Variants in FBLN2 observed in about 807,000 individuals in gnomAD.
FBLN2 encodes the protein fibulin 2, also known as fibulin-2.
FBLN2 carries 81 observed loss-of-function variants against 123.7 expected under a neutral mutation model. The ratio of observed to expected loss-of-function variants is 0.65; its 90% CI spans 0.55 to 0.79. FBLN2 has a LOEUF of 0.79. Among genes scored for constraint, FBLN2 ranks in the 30% least tolerant of loss-of-function variants. FBLN2 has a pLI of 0.00. For synonymous variants in FBLN2, 699 were observed against 701.4 expected (o/e 1.00, Z 0.05); for missense variants, 1,603 against 1,681.3 (o/e 0.95, Z 0.81).
intron 4 of FBLN2, among the ~76,000 whole-genome samples, chr3:13,610,436 A>G (rs1705353401): frequency 1.3e-5 from 2 of 152,192 alleles, no homozygotes; most frequent in South Asian, 4.1e-4. Flanking sequence ...CCACCAGGCA[A>G]CAGTGGTGCA....
intron 1 of FBLN2, among the ~76,000 whole-genome samples, chr3:13,551,440 C>T (rs1559395093): frequency 6.6e-6 from 1 of 152,204 alleles, no homozygotes; most frequent in Non-Finnish European, 1.5e-5. Context: ...ATCCCGACAT[C>T]CCTCCTGCAG....
intron 2 of FBLN2, among the ~76,000 whole-genome samples, chr3:13,574,887 C>T (rs1468762681): frequency 1.3e-5 from 2 of 152,234 alleles, no homozygotes; most frequent in Non-Finnish European, 2.9e-5. Flanking sequence ...TCTCCCACCC[C>T]TCCCATGCTG....
chr3:13,635,399 C>G (rs745733097), intron 16 of FBLN2, among the ~76,000 whole-genome samples: 1 of 151,660 alleles, frequency 6.6e-6, no homozygotes, highest in African/African-American at 2.4e-5. Flanking sequence ...CACACACACA[C>G]CCACACACAC....
chr3:13,619,220 C>T lies in FBLN2; in HGVS notation c.2053+203C>T, dbSNP rs565340637. ...TCACTGGGGAGATGTGGTGTGGGGACAGCCTAGGGCCTGGTGTGTGACCCC... is the reference window on the plus strand; with the variant it reads ...TCACTGGGGAGATGTGGTGTGGGGATAGCCTAGGGCCTGGTGTGTGACCCC... On this transcript the variant is annotated intron_variant, in intron 7 of 17. Transcript: ENST00000404922. 1.0e-3 allele frequency among the ~76,000 whole-genome samples: 154 copies of T among 152,294 alleles called. 3 individuals are homozygous for T. In the South Asian group the frequency reaches 0.031, roughly 31 times the overall value.
At chr3:13,628,793 C>A (rs1706138962) in intron 11 of FBLN2, 112 bp from the exon 12 acceptor site, 41 of 1,289,454 alleles carry the variant, frequency 3.2e-5, no homozygotes, top group Non-Finnish European at 4.3e-5. Flanking sequence ...CAACTCTGAC[C>A]AGGGCAGGTC....
chr3:13,557,345 G>C (rs745388250), intron 1 of FBLN2, among the ~76,000 whole-genome samples: 1 of 152,228 alleles, frequency 6.6e-6, no homozygotes, highest in Non-Finnish European at 1.5e-5. Context: ...ACAAGAAGGT[G>C]GTTCTTCTTT....
chr3:13,606,728 C>A (rs772463907), intron 2 of FBLN2, among the ~76,000 whole-genome samples: 10 of 152,078 alleles, frequency 6.6e-5, no homozygotes, highest in Admixed American at 1.3e-4. Context: ...CTCAGCTCAC[C>A]ACAACCTCCG....
chr3:13,555,023 G>T (rs1211858522), intron 1 of FBLN2, among the ~76,000 whole-genome samples: 2 of 151,008 alleles, frequency 1.3e-5, no homozygotes, highest in Admixed American at 6.6e-5. Flanking sequence ...TGCGATTCCG[G>T]CTCACTGCAA....
chr3:13,598,801 C>T (rs896086428), intron 2 of FBLN2, among the ~76,000 whole-genome samples: 9 of 152,148 alleles, frequency 5.9e-5, no homozygotes, highest in East Asian at 1.9e-4. Flanking sequence ...GCCTGCCACC[C>T]GACAGGGACA....
chr3:13,631,216 ATTTAAAAAATGGGCCCCTAAGCTCTATG>A, intron 15 of FBLN2, 85 bp from the exon 16 acceptor site: 1 of 1,336,248 alleles, frequency 7.5e-7, no homozygotes, highest in Non-Finnish European at 1.0e-6. Flanking sequence ...ACTTGTCTTC[ATTTAAAAAATGGGCCCCTAAGCTCTATG>A]GCTGTGACAG....
At chr3:13,621,992 C>T in intron 9 of FBLN2, 77 bp downstream of exon 9, 1 of 1,532,142 alleles carries the variant, frequency 6.5e-7, no homozygotes, top group Non-Finnish European at 8.8e-7. Flanking sequence ...ACACTGTGGC[C>T]ACATGCCAAA....
intron 9 of FBLN2, 42 bp downstream of exon 9, chr3:13,621,957 C>T (rs368551207): frequency 5.6e-5 from 90 of 1,595,962 alleles, no homozygotes; most frequent in East Asian, 6.7e-5. Context: ...CACAGCTCTC[C>T]GCTCTGCTCC....
chr3:13,628,262 C>CT (rs1006551265), intron 11 of FBLN2, among the ~76,000 whole-genome samples: 1 of 151,882 alleles, frequency 6.6e-6, no homozygotes, highest in Non-Finnish European at 1.5e-5. Flanking sequence ...ATGAGTATCC[C>CT]TTTTTTTTAA....
At chr3:13,619,268 T>C (rs1705757741) in intron 7 of FBLN2, among the ~76,000 whole-genome samples, 1 of 152,204 alleles carries the variant, frequency 6.6e-6, no homozygotes, top group South Asian at 2.1e-4. Flanking sequence ...TAGCTGCTTT[T>C]TGTCTCCATT....
Position 13,609,498 on chromosome 3 carries a change from C to A in FBLN2, c.1419-15C>A. 1.3e-6 allele frequency: 2 copies of A among 1,533,528 alleles called. No homozygotes were observed. Among genetic ancestry groups the A allele is most frequent in the Non-Finnish European group, 1.8e-6 (2 of 1,138,988 alleles). The allele number at this position is 1,533,528 out of a possible 1,614,324, so 95.0% of individuals were successfully genotyped here. On this transcript the variant is annotated splice_polypyrimidine_tract_variant and intron_variant, in intron 3 of 17. Transcript: ENST00000404922. ...AGGTGGGCGACTGGGGGCTAAGTTACCCCCTCTGTTTCAGGACAGCCCAGA... is the reference window on the plus strand; with the variant it reads ...AGGTGGGCGACTGGGGGCTAAGTTAACCCCTCTGTTTCAGGACAGCCCAGA...
chr3:13,559,349 C>CTTTCTTGAA (rs1553616095), intron 1 of FBLN2, among the ~76,000 whole-genome samples: 1 of 151,606 alleles, frequency 6.6e-6, no homozygotes, highest in Non-Finnish European at 1.5e-5. Flanking sequence ...CCCTGTTTCT[C>CTTTCTTGAA]TTTCTTGGCT....
In FBLN2 at chr3:13,561,711, C is replaced by A. The variant is rs1017454647; in HGVS notation, c.-41-8604C>A. Among the ~76,000 whole-genome samples the A allele has an allele frequency of 2.0e-5, 3 of 152,350 alleles. No homozygotes were observed. In the East Asian group the frequency reaches 5.8e-4, roughly 29 times the overall value. On this transcript the variant is annotated intron_variant, in intron 1 of 17. Transcript: ENST00000404922. The stretch of plus-strand genomic sequence containing the variant: ...TCACAACGCCCTTATCTCTTCCCCC[C>A]ATCAGAACATTGGCTGCATGCGGGT...
chr3:13,586,193 T>TC (rs1311723579), intron 2 of FBLN2, among the ~76,000 whole-genome samples: 1 of 152,196 alleles, frequency 6.6e-6, no homozygotes, highest in Non-Finnish European at 1.5e-5. Flanking sequence ...TTTTCTTTTT[T>TC]CTTTTTTTTG....
chr3:13,585,590 T>C (rs1194267709), intron 2 of FBLN2, among the ~76,000 whole-genome samples: 1 of 152,222 alleles, frequency 6.6e-6, no homozygotes, highest in Non-Finnish European at 1.5e-5. Context: ...TTTGTGGTGA[T>C]GCTGGTATAA....
Sources: allele counts gnomAD v4.1 joint callset (sites outside exome capture counted in the v4.1 genomes callset), GRCh38; gene constraint gnomAD v4.1.1; transcripts MANE v1.5; gene names NCBI Gene and HGNC (gene_info 2026-07-23, HGNC 2026-07-21).